MACC1: variants seen among roughly 807,000 people sequenced by gnomAD.
MACC1 encodes the protein MET transcriptional regulator MACC1.
MACC1 carries 79 observed loss-of-function variants against 70.7 expected under a neutral mutation model. The ratio of observed to expected loss-of-function variants is 1.12; its 90% CI spans 0.93 to 1.35. The LOEUF (loss-of-function observed/expected upper bound fraction) is 1.35, where lower values mean the gene tolerates loss of function less well. Among genes scored for constraint, MACC1 ranks in the 40% most tolerant of loss-of-function variants. MACC1 has a pLI of 0.00. For synonymous variants in MACC1, 361 were observed against 347.2 expected, an observed-to-expected ratio of 1.04 and a Z score of -0.44; for missense variants, 1,106 against 978.1, an observed-to-expected ratio of 1.13 and a Z score of -1.74.
intron 1 of MACC1, among the ~76,000 whole-genome samples, chr7:20,192,221 G>A (rs934466471): frequency 6.6e-6 from 1 of 151,922 alleles, no homozygotes; most frequent in African/African-American, 2.4e-5. Flanking sequence ...CCAATATAGG[G>A]TATTATTGAG....
chr7:20,146,566 G>A (rs900046496), intron 6 of MACC1, among the ~76,000 whole-genome samples: 1 of 152,124 alleles, frequency 6.6e-6, no homozygotes, highest in Non-Finnish European at 1.5e-5. Context: ...TTTTCTTTCC[G>A]GACTGACTAA....
At chr7:20,217,134 T>C (rs1180015082) in intron 1 of MACC1, among the ~76,000 whole-genome samples, 165 bp downstream of exon 1, 2 of 152,202 alleles carry the variant, frequency 1.3e-5, no homozygotes, top group African/African-American at 2.4e-5. Flanking sequence ...TTCTAACACA[T>C]GTCCCATAAG....
intron 1 of MACC1, among the ~76,000 whole-genome samples, chr7:20,204,401 G>T (rs954338103): frequency 3.3e-5 from 5 of 152,104 alleles, no homozygotes; most frequent in African/African-American, 1.2e-4. Context: ...TGATCCACCC[G>T]CCTTGGCCTC....
chr7:20,216,645 A>G (rs1280508693), intron 1 of MACC1, among the ~76,000 whole-genome samples: 1 of 152,120 alleles, frequency 6.6e-6, no homozygotes, highest in African/African-American at 2.4e-5. Flanking sequence ...GCTTAATTGA[A>G]ACTTAATTAG....
intron 1 of MACC1, among the ~76,000 whole-genome samples, chr7:20,194,880 T>C (rs577197988): frequency 6.6e-4 from 100 of 152,340 alleles, no homozygotes; most frequent in Non-Finnish European, 1.1e-3. Flanking sequence ...CTAACAAAAT[T>C]GCCTTTATAG....
chr7:20,181,451 T>A (rs1479767359), intron 1 of MACC1, among the ~76,000 whole-genome samples: 1 of 152,082 alleles, frequency 6.6e-6, no homozygotes. Flanking sequence ...TTAACGAAGT[T>A]AGGTTTGCCA....
At chr7:20,189,619 G>A (rs1782642006) in intron 1 of MACC1, among the ~76,000 whole-genome samples, 1 of 152,124 alleles carries the variant, frequency 6.6e-6, no homozygotes, top group Non-Finnish European at 1.5e-5. Context: ...CAGTGTGAAA[G>A]CTCTGGAAAG....
At chr7:20,160,307 A>G in intron 4 of MACC1, 62 bp from the exon 5 acceptor site, 1 of 1,471,392 alleles carries the variant, frequency 6.8e-7, no homozygotes. Flanking sequence ...GTTACAATCA[A>G]GATTAATTTT....
intron 1 of MACC1, among the ~76,000 whole-genome samples, chr7:20,175,362 C>A (rs1351291728): frequency 6.6e-6 from 1 of 151,882 alleles, no homozygotes; most frequent in Admixed American, 6.6e-5. Context: ...CATATTTAAT[C>A]AATGTTTTGG....
chr7:20,179,606 G>A (rs1385163318), intron 1 of MACC1, among the ~76,000 whole-genome samples: 3 of 152,186 alleles, frequency 2.0e-5, no homozygotes, highest in Non-Finnish European at 4.4e-5. Context: ...GGCTGTTTCT[G>A]AGTATTTTCC....
Position 20,139,825 on chromosome 7 carries a change from T to TACACACACACAC in MACC1, c.*1109_*1120dup, listed in dbSNP as rs72161770. ...GGCTGTGCTTTATAAAACACTGTGG[T>TACACACACACAC]ACACACACACACACACACACACACA... On this transcript the variant is annotated 3_prime_UTR_variant, in exon 7 of 7. Transcript: ENST00000400331. The TACACACACACAC allele has an allele frequency of 4.6e-4, 67 of 146,140 alleles. No homozygotes were observed. The highest frequency in any genetic ancestry group is 1.6e-3 in the African/African-American group (65 of 39,868). The allele number at this position is 146,140 out of a possible 1,614,324, so 9.1% of individuals were successfully genotyped here.
intron 1 of MACC1, among the ~76,000 whole-genome samples, chr7:20,197,795 A>C (rs1331302869): frequency 6.6e-6 from 1 of 152,226 alleles, no homozygotes; most frequent in African/African-American, 2.4e-5. Flanking sequence ...TGAAACAGAA[A>C]AGTTTCAATC....
Position 20,162,768 on chromosome 7 carries a change from AC to A in MACC1, c.-8-899del, listed in dbSNP as rs552558564. On this transcript the variant is annotated intron_variant, in intron 3 of 6. Coordinates refer to ENST00000400331, the MANE Select transcript of MACC1 (RefSeq NM_182762.4). Reference sequence around the variant, plus strand: ...CATTGATCACTATCTCATCCTGTGCACAGAAAATAAATGCCAAGGGATTAAA... The same window carrying A: ...CATTGATCACTATCTCATCCTGTGCAAGAAAATAAATGCCAAGGGATTAAA... Among the ~76,000 whole-genome samples, 1,264 of 152,302 alleles carry A rather than the reference AC, an allele frequency of 8.3e-3. 11 individuals are homozygous for A. Among genetic ancestry groups the A allele is most frequent in the Non-Finnish European group, 0.013 (881 of 67,996 alleles).
chr7:20,171,785 T>C (rs1049302104), intron 1 of MACC1, among the ~76,000 whole-genome samples: 8 of 152,166 alleles, frequency 5.3e-5, no homozygotes, highest in African/African-American at 1.7e-4. Context: ...TTTCACCATA[T>C]AGGTCAAGCT....
At chr7:20,173,193 A>G (rs1212753518) in intron 1 of MACC1, among the ~76,000 whole-genome samples, 1 of 152,206 alleles carries the variant, frequency 6.6e-6, no homozygotes, top group African/African-American at 2.4e-5. Flanking sequence ...CCACCAAATC[A>G]TAATTATGAG....
At chr7:20,186,786 T>C (rs528556089) in intron 1 of MACC1, among the ~76,000 whole-genome samples, 1 of 152,292 alleles carries the variant, frequency 6.6e-6, no homozygotes, top group African/African-American at 2.4e-5. Context: ...CAAATTAGTA[T>C]AAATAACCTG....
intron 1 of MACC1, among the ~76,000 whole-genome samples, chr7:20,176,333 G>A (rs932125825): frequency 6.6e-6 from 1 of 151,950 alleles, no homozygotes; most frequent in African/African-American, 2.4e-5. Context: ...AGATAAAATG[G>A]CATAGAACTG....
At chr7:20,205,630 T>G (rs1782900237) in intron 1 of MACC1, among the ~76,000 whole-genome samples, 1 of 152,232 alleles carries the variant, frequency 6.6e-6, no homozygotes, top group African/African-American at 2.4e-5. Flanking sequence ...TGACCATTCT[T>G]CCCTGTTTTC....
Position 20,159,325 on chromosome 7 carries a change from G to A in MACC1, c.1036C>T (p.Leu346=). ...KLIDLSQVMY[L]VVAAQAKALP... ...GCTTTAGCTTGTGCAGCAACCACTA[G>A]ATACATTACCTGACTCAAGTCGATT... Residue 346 remains leucine, a synonymous_variant, in exon 5 of 7, where the codon CTA becomes TTA. Coordinates refer to ENST00000400331, the MANE Select transcript of MACC1 (RefSeq NM_182762.4). The A allele has an allele frequency of 6.2e-7, 1 of 1,614,078 alleles. No individual in the cohort carries two copies. Among genetic ancestry groups the A allele is most frequent in the Non-Finnish European group, 8.5e-7 (1 of 1,180,010 alleles).
Sources: allele counts gnomAD v4.1 joint callset (sites outside exome capture counted in the v4.1 genomes callset), GRCh38; gene constraint gnomAD v4.1.1; transcripts MANE v1.5; gene names NCBI Gene and HGNC (gene_info 2026-07-23, HGNC 2026-07-21).